CRACD: variants seen among roughly 807,000 people sequenced by gnomAD.
CRACD encodes the protein capping protein inhibiting regulator of actin dynamics.
In CRACD, 56 loss-of-function variants were observed where a neutral mutation model predicts 106.8. The observed-to-expected ratio is 0.52, with a 90% confidence interval of 0.42 to 0.66. The LOEUF (loss-of-function observed/expected upper bound fraction) is 0.66. CRACD is among the 30% of genes least tolerant of loss of function. The pLI is 0.00. For missense variants in CRACD, 1,730 were observed against 1,623.2 expected, an observed-to-expected ratio of 1.07 and a Z score of -1.13; for synonymous variants, 754 against 670.8, an observed-to-expected ratio of 1.12 and a Z score of -1.92.
At chr4:56,101,569 C>A (rs1237674892) in intron 1 of CRACD, among the ~76,000 whole-genome samples, 1 of 152,022 alleles carries the variant, frequency 6.6e-6, no homozygotes, top group Non-Finnish European at 1.5e-5. Flanking sequence ...TTGACACCAG[C>A]CTGGCCAACA....
At chr4:56,249,468 G>A (rs1740918205) in intron 2 of CRACD, among the ~76,000 whole-genome samples, 2 of 151,092 alleles carry the variant, frequency 1.3e-5, no homozygotes, top group South Asian at 4.2e-4. Context: ...GTAGATTCTG[G>A]ATATTAGCCC....
chr4:56,285,965 C>G (rs962329738), intron 3 of CRACD, among the ~76,000 whole-genome samples: 1 of 152,138 alleles, frequency 6.6e-6, no homozygotes. Flanking sequence ...ACCTCTGTTT[C>G]ATAGAGCCAG....
chr4:56,303,851 A>G (rs565732295), intron 4 of CRACD, among the ~76,000 whole-genome samples: 2 of 152,346 alleles, frequency 1.3e-5, no homozygotes, highest in Admixed American at 1.3e-4. Context: ...TCGTCTGGAC[A>G]TAGAAACTGT....
intron 4 of CRACD, chr4:56,301,172 G>A (rs1457688099): frequency 1.9e-5 from 23 of 1,188,170 alleles, no homozygotes; most frequent in Admixed American, 2.7e-5. Context: ...TTTTTTTGGC[G>A]TGACTTGAGA....
At chr4:56,231,848 C>T (rs1739640464) in intron 2 of CRACD, among the ~76,000 whole-genome samples, 1 of 152,168 alleles carries the variant, frequency 6.6e-6, no homozygotes, top group South Asian at 2.1e-4. Context: ...TGTGGCTGTT[C>T]TTTGACCCAG....
chr4:56,125,971 C>T (rs190853051), intron 1 of CRACD, among the ~76,000 whole-genome samples: 3 of 151,792 alleles, frequency 2.0e-5, no homozygotes, highest in Admixed American at 6.6e-5. Flanking sequence ...AGGGTTTTAC[C>T]ATCTTGGCCA....
At chr4:56,251,829 GTA>G (rs1255653870) in intron 2 of CRACD, among the ~76,000 whole-genome samples, 1 of 152,196 alleles carries the variant, frequency 6.6e-6, no homozygotes, top group Non-Finnish European at 1.5e-5. Context: ...GCAATGGAGT[GTA>G]GATAAATCAT....
chr4:56,171,957 G>A (rs997077313), intron 1 of CRACD, among the ~76,000 whole-genome samples: 2 of 149,574 alleles, frequency 1.3e-5, no homozygotes, highest in Non-Finnish European at 3.0e-5. Context: ...GGGAAGGCAG[G>A]AGATGGAGGA....
chr4:56,231,333 C>A (rs1002212214), intron 2 of CRACD, among the ~76,000 whole-genome samples: 1 of 152,086 alleles, frequency 6.6e-6, no homozygotes, highest in Non-Finnish European at 1.5e-5. Flanking sequence ...ATGGTAGGTG[C>A]TCAATGAATA....
chr4:56,124,842 G>T (rs988917972), intron 1 of CRACD, among the ~76,000 whole-genome samples: 1 of 152,148 alleles, frequency 6.6e-6, no homozygotes, highest in African/African-American at 2.4e-5. Context: ...TAGAACAATT[G>T]TGGGCTCTAA....
chr4:56,070,727 T>C (rs966017081), intron 1 of CRACD, among the ~76,000 whole-genome samples: 1 of 151,784 alleles, frequency 6.6e-6, no homozygotes, highest in Non-Finnish European at 1.5e-5. Flanking sequence ...CTGCTCGGGG[T>C]GGTGATGGGG....
Position 56,125,420 on chromosome 4 carries a change from T to G in CRACD, c.-335-53864T>G, listed in dbSNP as rs1275946382. Among the ~76,000 whole-genome samples, 3 of 152,136 alleles carry G rather than the reference T, an allele frequency of 2.0e-5. No homozygotes were observed. The East Asian group carries it at 5.8e-4, about 29-fold the overall frequency. ...TAAATTTTTTTATTAAAAACAATTT[T>G]TTTTTTAGAGACAGGGTCTTGCCCT... is the stretch of plus-strand genomic sequence containing the variant. On this transcript the variant is annotated intron_variant, in intron 1 of 10. Transcript: ENST00000682029.
At chr4:56,057,829 T>G (rs1177228207) in intron 1 of CRACD, among the ~76,000 whole-genome samples, 2 of 90,606 alleles carry the variant, frequency 2.2e-5, no homozygotes, top group East Asian at 4.7e-4. Context: ...TTTTTTTTTT[T>G]TTTTTTTGAG....
chr4:56,169,156 G>A (rs1257714731), intron 1 of CRACD, among the ~76,000 whole-genome samples: 5 of 152,066 alleles, frequency 3.3e-5, no homozygotes, highest in East Asian at 1.9e-4. Context: ...TTGTTTCTTC[G>A]TAGCTAAATC....
chr4:56,139,937 A>G (rs1189979958), intron 1 of CRACD, among the ~76,000 whole-genome samples: 1 of 152,184 alleles, frequency 6.6e-6, no homozygotes, highest in Non-Finnish European at 1.5e-5. Flanking sequence ...TTAAAATTGT[A>G]ACATAGATAC....
chr4:56,051,352 C>T (rs1320667569), intron 1 of CRACD, among the ~76,000 whole-genome samples: 2 of 152,164 alleles, frequency 1.3e-5, no homozygotes, highest in Admixed American at 1.3e-4. Context: ...GCTTGGTGAC[C>T]TCCTTTTTCA....
At chr4:56,255,476 C>T (rs530522101) in intron 2 of CRACD, among the ~76,000 whole-genome samples, 59 of 145,280 alleles carry the variant, frequency 4.1e-4, no homozygotes, top group African/African-American at 1.5e-3. Flanking sequence ...GAGACACTGA[C>T]TCTTTAAAAA....
chr4:56,164,856 C>T (rs1736084136), intron 1 of CRACD, among the ~76,000 whole-genome samples: 2 of 152,152 alleles, frequency 1.3e-5, no homozygotes, highest in Admixed American at 1.3e-4. Context: ...GAGAATCGAC[C>T]TAAAAGGTTC....
intron 1 of CRACD, among the ~76,000 whole-genome samples, chr4:56,065,225 C>A (rs766439715): frequency 6.6e-6 from 1 of 152,018 alleles, no homozygotes; most frequent in African/African-American, 2.4e-5. Flanking sequence ...GTAGCTGGGA[C>A]TATAGGCTCA....
Sources: allele counts gnomAD v4.1 joint callset (sites outside exome capture counted in the v4.1 genomes callset), GRCh38; gene constraint gnomAD v4.1.1; transcripts MANE v1.5; gene names NCBI Gene and HGNC (gene_info 2026-07-23, HGNC 2026-07-21).